The following GALNT9 variants were observed in gnomAD, a reference collection of about 807,000 sequenced individuals.
GALNT9 encodes the protein GalNAc transferase 9.
In GALNT9, 47 loss-of-function variants were observed where a neutral mutation model predicts 63.1. The ratio of observed to expected loss-of-function variants is 0.75; its 90% CI spans 0.59 to 0.95. The LOEUF is 0.95. Ranked by LOEUF, GALNT9 falls within the 40% of genes least tolerant of loss-of-function variation. The probability of loss-of-function intolerance (pLI) is 0.00; values close to 1 mark genes in which losing one functional copy is unlikely to be tolerated. For missense variants in GALNT9, 829 were observed against 874.8 expected (o/e 0.95, Z 0.66); for synonymous variants, 396 against 365.7 (o/e 1.08, Z -0.94).
At chr12:132,289,254 G>A (rs1555242484) in intron 1 of GALNT9, among the ~76,000 whole-genome samples, 2 of 152,114 alleles carry the variant, frequency 1.3e-5, no homozygotes, top group Admixed American at 6.5e-5. Context: ...GCCTCCCAAC[G>A]CTTCATTCTC....
At chr12:132,290,388 C>T (rs1006689806) in intron 1 of GALNT9, among the ~76,000 whole-genome samples, 4 of 152,150 alleles carry the variant, frequency 2.6e-5, no homozygotes, top group African/African-American at 4.8e-5. Flanking sequence ...TAAGCGAGGC[C>T]GTCCCAACGC....
At chr12:132,302,365 G>A (rs1593114714) in intron 1 of GALNT9, among the ~76,000 whole-genome samples, 1 of 151,964 alleles carries the variant, frequency 6.6e-6, no homozygotes, top group African/African-American at 2.4e-5. Context: ...AGCGCAGTTC[G>A]ATCCATGTAT....
chr12:132,293,438 C>T (rs781921748), intron 1 of GALNT9, among the ~76,000 whole-genome samples: 3 of 152,132 alleles, frequency 2.0e-5, no homozygotes, highest in Admixed American at 6.5e-5. Flanking sequence ...TACCTATTGA[C>T]GATTCTTAGA....
chr12:132,203,667 C>G lies in GALNT9; in HGVS notation c.1101G>C (p.Met367Ile), dbSNP rs944703003. 3 of 1,613,172 alleles carry G rather than the reference C, an allele frequency of 1.9e-6. No homozygotes were observed. Among genetic ancestry groups the G allele is most frequent in the African/African-American group, 2.7e-5 (2 of 75,032 alleles). The change falls in exon 7 of 11, where the codon ATG becomes ATC. Residue 367 changes from methionine (M) to isoleucine (I), a missense_variant. Met to Ile is a conservative substitution (Grantham distance 10). Transcript: ENST00000328957. Reference protein sequence around the residue: ...GMRVWQCGGSMEVLPCSRVAH... With the variant: ...GMRVWQCGGSIEVLPCSRVAH... ...CCACGCGGGAGCAGGGCAGCACCTC[C>G]ATGCTGCCGCCACACTGCCACACCT... is the stretch of plus-strand genomic sequence containing the variant.
chr12:132,303,100 C>T (rs541381690), intron 1 of GALNT9, among the ~76,000 whole-genome samples: 12 of 152,154 alleles, frequency 7.9e-5, no homozygotes, highest in African/African-American at 2.9e-4. Flanking sequence ...GAAAGCCTCC[C>T]TGTGTATTTC....
At chr12:132,318,134 C>T (rs1396382507) in intron 1 of GALNT9, among the ~76,000 whole-genome samples, 2 of 152,056 alleles carry the variant, frequency 1.3e-5, no homozygotes, top group Middle Eastern at 3.2e-3. Flanking sequence ...CCCAGCTACT[C>T]GGGAGGCTGA....
Position 132,199,216 on chromosome 12 carries a change from G to GCCGTCCT in GALNT9, c.1448_1454dup (p.Asp486GlyfsTer23), listed in dbSNP as rs1565980144. The GCCGTCCT allele has an allele frequency of 1.2e-6, 2 of 1,604,008 alleles. No homozygotes were observed. Among genetic ancestry groups the GCCGTCCT allele is most frequent in the Non-Finnish European group, 1.7e-6 (2 of 1,179,390 alleles). On this transcript the variant is annotated frameshift_variant, in exon 9 of 11. Transcript: ENST00000328957. LOFTEE classifies it high-confidence loss of function. ...GGCAGGGGTAGAGGATCGCCCGGTC[G>GCCGTCCT]CCGTCCTCCGCTCCCTGGTCCAGAC...
chr12:132,205,514 T>TCAGCTCAGCC (rs1391213880), intron 6 of GALNT9: 2 of 152,170 alleles, frequency 1.3e-5, no homozygotes, highest in African/African-American at 4.8e-5. Context: ...GCTGCTCAGC[T>TCAGCTCAGCC]CAGCCCAGCC....
rs782570972 is a variant in GALNT9 at position 132,286,309 on chromosome 12, G to T, written c.360C>A (p.Asn120Lys). ...AEGKYEEYGY[N>K]AQLSDRISLD... is the part of the protein sequence containing the mutation. ...GGGAGATGCGGTCGCTGAGCTGAGC[G>T]TTGTAGCCGTACTCCTCATACTTGC... The change falls in exon 2 of 11, where the codon AAC (asparagine) becomes AAA (lysine). Residue 120 changes from asparagine (N) to lysine (K), a missense_variant. Asn to Lys is a moderately conservative substitution (Grantham distance 94). Transcript: ENST00000328957. The surrounding 1 kb of genome is among the most constrained non-coding windows in gnomAD (Gnocchi z 7.4). 3.9e-6 allele frequency: 6 copies of T among 1,551,190 alleles called. No individual in the cohort carries two copies. Among genetic ancestry groups the T allele is most frequent in the South Asian group, 1.2e-5 (1 of 84,060 alleles).
chr12:132,255,160 G>A (rs782529748), intron 5 of GALNT9, among the ~76,000 whole-genome samples: 20 of 152,162 alleles, frequency 1.3e-4, no homozygotes, highest in Non-Finnish European at 2.5e-4. Context: ...GGTCCTGATG[G>A]GAAGAGGGTT....
chr12:132,249,667 G>A (rs781852106), intron 5 of GALNT9, among the ~76,000 whole-genome samples: 1 of 152,236 alleles, frequency 6.6e-6, no homozygotes, highest in Non-Finnish European at 1.5e-5. Flanking sequence ...TGAAGAGCCA[G>A]ATTCTCTGCC....
chr12:132,322,767 G>A (rs1236605624), intron 1 of GALNT9, among the ~76,000 whole-genome samples: 2 of 152,324 alleles, frequency 1.3e-5, no homozygotes, highest in East Asian at 3.9e-4. Flanking sequence ...GCCCAGGGCC[G>A]AGCTGCTTCC....
At chr12:132,294,430 A>T (rs1218691135) in intron 1 of GALNT9, among the ~76,000 whole-genome samples, 1 of 152,222 alleles carries the variant, frequency 6.6e-6, no homozygotes, top group African/African-American at 2.4e-5. Flanking sequence ...AGGGCCCTCC[A>T]GAAGTGTCTG....
intron 7 of GALNT9, among the ~76,000 whole-genome samples, chr12:132,201,496 T>G (rs1022870210): frequency 1.1e-4 from 16 of 152,150 alleles, no homozygotes; most frequent in African/African-American, 3.4e-4. Flanking sequence ...AGCCCCGGCC[T>G]GGACAGACGG....
intron 5 of GALNT9, among the ~76,000 whole-genome samples, chr12:132,248,710 G>A (rs1201734659): frequency 6.6e-6 from 1 of 152,230 alleles, no homozygotes; most frequent in Admixed American, 6.5e-5. Flanking sequence ...AGCCTGTGCA[G>A]CTATGTGCCA....
At chr12:132,284,584 GAAAAT>G (rs1880514036) in intron 2 of GALNT9, 1 of 152,230 alleles carries the variant, frequency 6.6e-6, no homozygotes, top group East Asian at 1.9e-4. Context: ...TAAGTAGAAT[GAAAAT>G]AAAATAATGT....
At chr12:132,295,702 C>T (rs61943957) in intron 1 of GALNT9, among the ~76,000 whole-genome samples, 28,984 of 152,246 alleles carry the variant, frequency 0.19, 3,217 homozygotes, top group African/African-American at 0.32. Context: ...CAGCCAGCAC[C>T]GTGATTCTGG....
chr12:132,268,990 G>T (rs144203610), intron 2 of GALNT9, among the ~76,000 whole-genome samples: 1 of 152,242 alleles, frequency 6.6e-6, no homozygotes, highest in African/African-American at 2.4e-5. Context: ...AACATAAAAC[G>T]TGTGGATATC....
intron 2 of GALNT9, among the ~76,000 whole-genome samples, chr12:132,285,952 C>A (rs1880567378): frequency 6.6e-6 from 1 of 152,140 alleles, no homozygotes; most frequent in South Asian, 2.1e-4. Flanking sequence ...CAGGAGGGCC[C>A]CACAGGTGGG....
Sources: allele counts gnomAD v4.1 joint callset (sites outside exome capture counted in the v4.1 genomes callset), GRCh38; gene constraint gnomAD v4.1.1; non-coding constraint Gnocchi (gnomAD v3.1); transcripts MANE v1.5; gene names NCBI Gene and HGNC (gene_info 2026-07-23, HGNC 2026-07-21).